The following HIVEP3 variants were observed in gnomAD, a reference collection of about 807,000 sequenced individuals.
HIVEP3 encodes HIVEP zinc finger 3.
A neutral mutation model predicts 152.8 loss-of-function variants in HIVEP3; 49 were observed. The observed-to-expected ratio is 0.32, with a 90% CI of 0.26 to 0.41. The LOEUF is 0.41. Ranked by LOEUF, HIVEP3 falls within the 10% of genes least tolerant of loss-of-function variation. The pLI is 1.00. For missense variants in HIVEP3, 2,790 were observed against 3,103.3 expected (o/e 0.90, Z 2.40); for synonymous variants, 1,269 against 1,289.0 (o/e 0.98, Z 0.33).
intron 1 of HIVEP3, among the ~76,000 whole-genome samples, chr1:41,712,966 T>A (rs533793271): frequency 6.6e-6 from 1 of 152,096 alleles, no homozygotes; most frequent in East Asian, 1.9e-4. Flanking sequence ...CTCTGCCACC[T>A]CCCACCGATG....
intron 2 of HIVEP3, among the ~76,000 whole-genome samples, chr1:41,654,283 G>T (rs960482531): frequency 6.6e-6 from 1 of 152,172 alleles, no homozygotes; most frequent in Non-Finnish European, 1.5e-5. Context: ...AAATTCCTCT[G>T]CCAGTGTTGT....
chr1:41,951,620 A>C (rs1024565781), intron 1 of HIVEP3, among the ~76,000 whole-genome samples: 1 of 152,192 alleles, frequency 6.6e-6, no homozygotes, highest in African/African-American at 2.4e-5. Flanking sequence ...TTATCAAGAA[A>C]AGAGTTTCAA....
intron 5 of HIVEP3, among the ~76,000 whole-genome samples, chr1:41,528,416 T>A (rs1317820949): frequency 1.7e-5 from 1 of 57,706 alleles, no homozygotes; most frequent in East Asian, 5.2e-4. Flanking sequence ...TCACACACCC[T>A]TGCCCTCACA....
Position 41,582,726 on chromosome 1 carries a change from T to C in HIVEP3, c.2072A>G (p.Glu691Gly). The C allele has an allele frequency of 1.9e-6, 3 of 1,614,220 alleles. No individual in the cohort carries two copies. The African/African-American group carries it at 4.0e-5, about 22-fold the overall frequency. Residue 691 changes from glutamate (E) to glycine (G), a missense_variant, in exon 4 of 9, where the codon GAG (glutamate) becomes GGG (glycine). Transcript: ENST00000372583. The surrounding 1 kb of genome is among the most constrained non-coding windows in gnomAD (Gnocchi z 4.7). ...CATCATTTGGGACCACGGCTCATGC[T>C]CAATCTGACTCTTTTCAGCTTCTGG... ...TSPEAEKSQI[E>G]HEPWSQMMHY...
chr1:41,846,302 T>TGCA (rs1643442583), intron 1 of HIVEP3, among the ~76,000 whole-genome samples: 1 of 152,376 alleles, frequency 6.6e-6, no homozygotes, highest in Admixed American at 6.5e-5. Flanking sequence ...GTTTCCATTG[T>TGCA]GCAGAAGGAT....
intron 1 of HIVEP3, among the ~76,000 whole-genome samples, chr1:41,760,501 T>C (rs1647599607): frequency 6.6e-6 from 1 of 152,250 alleles, no homozygotes; most frequent in African/African-American, 2.4e-5. Context: ...CTGCAGAGCT[T>C]ACTTTGCTGA....
At chr1:41,757,461 G>A (rs1201454264) in intron 1 of HIVEP3, among the ~76,000 whole-genome samples, 1 of 151,712 alleles carries the variant, frequency 6.6e-6, no homozygotes, top group African/African-American at 2.4e-5. Context: ...GGTTTCACCT[G>A]TAGTACCAAG....
At chr1:41,575,821 AAGAGGT>A (rs1421043167) in intron 4 of HIVEP3, 132 bp from the exon 5 acceptor site, 5 of 968,262 alleles carry the variant, frequency 5.2e-6, no homozygotes, top group Admixed American at 2.4e-5. Flanking sequence ...CTCCCCCATG[AAGAGGT>A]GCTATTAGCT....
chr1:41,993,955 T>TCACATGGA (rs1247878044), intron 1 of HIVEP3, among the ~76,000 whole-genome samples: 1 of 133,254 alleles, frequency 7.5e-6, no homozygotes, highest in Non-Finnish European at 1.5e-5. Context: ...AACAATGAGA[T>TCACATGGA]CACATGGACA....
intron 1 of HIVEP3, among the ~76,000 whole-genome samples, chr1:41,731,802 C>G (rs1420562576): frequency 1.3e-5 from 2 of 152,242 alleles, no homozygotes; most frequent in Non-Finnish European, 2.9e-5. Context: ...CATGACAGAC[C>G]TTGAGCAAGA....
At chr1:42,018,178 C>CT (rs1465494478) in intron 1 of HIVEP3, among the ~76,000 whole-genome samples, 1 of 151,692 alleles carries the variant, frequency 6.6e-6, no homozygotes, top group East Asian at 1.9e-4. Flanking sequence ...CTACTCTGGG[C>CT]TTGCTCTTTC....
At chr1:41,955,808 A>G (rs2124494483) in intron 1 of HIVEP3, among the ~76,000 whole-genome samples, 1 of 152,374 alleles carries the variant, frequency 6.6e-6, no homozygotes, top group Non-Finnish European at 1.5e-5. Context: ...GTGAATGGAC[A>G]GAGGAATACA....
At chr1:41,543,674 G>A (rs1329497256) in intron 5 of HIVEP3, 1 of 152,236 alleles carries the variant, frequency 6.6e-6, no homozygotes, top group Non-Finnish European at 1.5e-5. Context: ...TATTGAGACT[G>A]GGGCTAGACC....
chr1:41,969,933 G>C (rs1645220063), intron 1 of HIVEP3, among the ~76,000 whole-genome samples: 1 of 151,980 alleles, frequency 6.6e-6, no homozygotes, highest in African/African-American at 2.4e-5. Flanking sequence ...ACATTTATGT[G>C]GCCAACAAGC....
chr1:41,995,040 C>A (rs1472665433), intron 1 of HIVEP3, among the ~76,000 whole-genome samples: 2 of 151,908 alleles, frequency 1.3e-5, no homozygotes, highest in African/African-American at 2.4e-5. Flanking sequence ...AGGAAAAAGT[C>A]CAACATACGT....
intron 1 of HIVEP3, among the ~76,000 whole-genome samples, chr1:41,825,927 T>C (rs1642790411): frequency 6.6e-6 from 1 of 152,102 alleles, no homozygotes; most frequent in African/African-American, 2.4e-5. Context: ...ATTTTTGACC[T>C]GACCTCCTGG....
Position 41,553,192 on chromosome 1 carries a change from T to C in HIVEP3, c.5207+22352A>G, listed in dbSNP as rs1643915156. 1.3e-5 allele frequency among the ~76,000 whole-genome samples: 2 copies of C among 152,220 alleles called. 1 individual carries two copies. The highest frequency in any genetic ancestry group is 4.1e-4 in the South Asian group (2 of 4,832). Reference sequence around the variant, plus strand: ...TGAATCTGGTTGCTCCTGTATTGGGTGCATATATATTTAGGATAGTTAGCT... The same window carrying C: ...TGAATCTGGTTGCTCCTGTATTGGGCGCATATATATTTAGGATAGTTAGCT... On this transcript the variant is annotated intron_variant, in intron 5 of 8. Transcript: ENST00000372583.
intron 5 of HIVEP3, among the ~76,000 whole-genome samples, chr1:41,532,322 A>T (rs898474535): frequency 1.3e-5 from 2 of 151,876 alleles, no homozygotes; most frequent in Non-Finnish European, 2.9e-5. Flanking sequence ...GACAGAAGAG[A>T]TGGAGGACAG....
chr1:41,994,659 C>T lies in HIVEP3; in HGVS notation n.119+41148G>A, dbSNP rs549977886. Reference sequence around the variant, plus strand: ...TCCTGAGGCCTCCCAGCCATGCTTCCTGTTAAGCCTGCTGAACTGTGAGTC... The same window carrying T: ...TCCTGAGGCCTCCCAGCCATGCTTCTTGTTAAGCCTGCTGAACTGTGAGTC... On this transcript the variant is annotated intron_variant and non_coding_transcript_variant, in intron 1 of 3. Coordinates refer to the HIVEP3 transcript ENST00000489103. Among the ~76,000 whole-genome samples, 147 of 152,304 alleles carry T rather than the reference C, an allele frequency of 9.7e-4. 1 individual carries two copies. The highest frequency in any genetic ancestry group is 3.4e-3 in the African/African-American group (143 of 41,576).
Sources: gnomAD v4.1 joint callset for allele counts (sites outside exome capture counted in the v4.1 genomes callset) on GRCh38, gnomAD v4.1.1 for gene constraint, Gnocchi (gnomAD v3.1) non-coding constraint, MANE v1.5 for transcripts, NCBI Gene and HGNC (gene_info 2026-07-23, HGNC 2026-07-21) for gene names.